The following CPNE4 variants were observed in gnomAD, a reference collection of about 807,000 sequenced individuals.
CPNE4 encodes the protein copine 4.
A neutral mutation model predicts 67.9 loss-of-function variants in CPNE4; 25 were observed. That is an observed-to-expected ratio of 0.37 (90% CI 0.27 to 0.51). CPNE4 has a LOEUF of 0.51. CPNE4 is among the 20% of genes least tolerant of loss of function. The pLI, the probability that CPNE4 is intolerant of heterozygous loss-of-function variation, is 0.93. For synonymous variants in CPNE4, 242 were observed against 244.9 expected (o/e 0.99, Z 0.11); for missense variants, 464 against 690.8 (o/e 0.67, Z 3.68).
intron 2 of CPNE4, among the ~76,000 whole-genome samples, chr3:131,860,326 C>T (rs73203875): frequency 0.077 from 11,648 of 152,168 alleles, 585 homozygotes; most frequent in East Asian, 0.17. Flanking sequence ...TTGAGGGTTA[C>T]TGATTATGTA....
intron 2 of CPNE4, among the ~76,000 whole-genome samples, chr3:131,789,009 C>A (rs1469303428): frequency 8.9e-6 from 1 of 112,896 alleles, no homozygotes; most frequent in South Asian, 2.5e-4. Flanking sequence ...CAACCAGACA[C>A]ACACACACAC....
intron 7 of CPNE4, among the ~76,000 whole-genome samples, chr3:131,619,970 C>G (rs72999299): frequency 0.15 from 22,377 of 152,094 alleles, 2,517 homozygotes; most frequent in African/African-American, 0.32. Flanking sequence ...CCTTCAGTCT[C>G]TGATTAGCAT....
chr3:131,695,828 C>T (rs1380469411), intron 5 of CPNE4, among the ~76,000 whole-genome samples: 1 of 152,162 alleles, frequency 6.6e-6, no homozygotes, highest in East Asian at 1.9e-4. Context: ...CTGATGTCCC[C>T]AGGTAGAATA....
chr3:131,559,394 C>A (rs1485777095), intron 11 of CPNE4, among the ~76,000 whole-genome samples: 1 of 151,912 alleles, frequency 6.6e-6, no homozygotes, highest in Non-Finnish European at 1.5e-5. Flanking sequence ...TAATAGGTAG[C>A]ACTCATCCAC....
At chr3:131,979,390 G>C (rs2072844610) in intron 1 of CPNE4, among the ~76,000 whole-genome samples, 1 of 152,146 alleles carries the variant, frequency 6.6e-6, no homozygotes, top group Non-Finnish European at 1.5e-5. Flanking sequence ...TATCTGTTTA[G>C]GATTGTGATA....
At chr3:131,798,059 C>T (rs750674198) in intron 2 of CPNE4, among the ~76,000 whole-genome samples, 4 of 152,148 alleles carry the variant, frequency 2.6e-5, no homozygotes, top group Non-Finnish European at 5.9e-5. Flanking sequence ...CTTATAAGGG[C>T]ACCAGCCCTA....
At chr3:131,897,874 A>G (rs1232581082) in intron 2 of CPNE4, among the ~76,000 whole-genome samples, 1 of 151,962 alleles carries the variant, frequency 6.6e-6, no homozygotes, top group East Asian at 1.9e-4. Flanking sequence ...CCTGGGCAAC[A>G]GAGAGAGAGA....
intron 2 of CPNE4, among the ~76,000 whole-genome samples, chr3:131,744,809 G>A (rs2082447776): frequency 6.6e-6 from 1 of 152,132 alleles, no homozygotes; most frequent in Non-Finnish European, 1.5e-5. Flanking sequence ...TGATATAGAT[G>A]TACCACAGTT....
At chr3:131,675,171 T>C (rs1044505103) in intron 6 of CPNE4, among the ~76,000 whole-genome samples, 1 of 152,140 alleles carries the variant, frequency 6.6e-6, no homozygotes, top group African/African-American at 2.4e-5. Flanking sequence ...TCATCAGATA[T>C]GATACTTGAT....
chr3:131,663,212 T>C (rs10222553), intron 7 of CPNE4, among the ~76,000 whole-genome samples: 52,913 of 151,448 alleles, frequency 0.35, 9,722 homozygotes, highest in African/African-American at 0.45. Context: ...AACACATGAA[T>C]AGAAAACCAA....
At chr3:131,539,628 A>T (rs1935363647) in intron 15 of CPNE4, among the ~76,000 whole-genome samples, 1 of 152,104 alleles carries the variant, frequency 6.6e-6, no homozygotes, top group Non-Finnish European at 1.5e-5. Flanking sequence ...AGAGGAGGAG[A>T]CTTGAGGGTA....
chr3:132,028,462 C>T (rs565765466), intron 1 of CPNE4, among the ~76,000 whole-genome samples: 3 of 152,074 alleles, frequency 2.0e-5, no homozygotes, highest in South Asian at 2.1e-4. Context: ...ATGCTGTGAC[C>T]AATTATTATT....
intron 1 of CPNE4, among the ~76,000 whole-genome samples, chr3:131,922,176 G>A (rs1025315401): frequency 6.6e-6 from 1 of 152,146 alleles, no homozygotes; most frequent in African/African-American, 2.4e-5. Flanking sequence ...TGTGGTATAA[G>A]GTTTTCTGTT....
intron 2 of CPNE4, among the ~76,000 whole-genome samples, chr3:131,814,474 G>A (rs1332123968): frequency 1.3e-5 from 2 of 151,636 alleles, no homozygotes; most frequent in Non-Finnish European, 2.9e-5. Context: ...GTACAGAAGG[G>A]AGAAAACTAG....
chr3:131,881,461 G>A (rs2087670830), intron 2 of CPNE4, among the ~76,000 whole-genome samples: 1 of 151,422 alleles, frequency 6.6e-6, no homozygotes, highest in Non-Finnish European at 1.5e-5. Flanking sequence ...CCCATGAGGT[G>A]TATTCTCCCC....
intron 1 of CPNE4, among the ~76,000 whole-genome samples, chr3:131,932,427 A>G (rs2071090876): frequency 1.3e-5 from 2 of 152,162 alleles, no homozygotes; most frequent in African/African-American, 4.8e-5. Context: ...ACTCATGATT[A>G]AGTGGAACAC....
intron 1 of CPNE4, among the ~76,000 whole-genome samples, chr3:131,978,525 AATATAAATAT>A (rs1442580651): frequency 0.064 from 4,724 of 74,054 alleles, 313 homozygotes; most frequent in Non-Finnish European, 0.085. Context: ...TATTTATATA[AATATAAATAT>A]ATATAAATAT....
chr3:132,037,657 G>A, upstream of CPNE4: 1 of 1,503,030 alleles, frequency 6.7e-7, no homozygotes, highest in Non-Finnish European at 9.0e-7. Flanking sequence ...TGGCCCTGGT[G>A]TTCCCAAGTT....
chr3:131,545,540 GTTATA>G (rs1935784853), intron 14 of CPNE4, among the ~76,000 whole-genome samples: 1 of 152,032 alleles, frequency 6.6e-6, no homozygotes, highest in South Asian at 2.1e-4. Flanking sequence ...ATATTTTCCT[GTTATA>G]TTACAGTACC....
Sources: allele counts gnomAD v4.1 joint callset (sites outside exome capture counted in the v4.1 genomes callset), GRCh38; gene constraint gnomAD v4.1.1; transcripts MANE v1.5; gene names NCBI Gene and HGNC (gene_info 2026-07-23, HGNC 2026-07-21).